The following LAMA2 variants were observed in gnomAD, a reference collection of about 807,000 sequenced individuals.
The protein encoded by LAMA2 is laminin subunit alpha-2.
Under a neutral mutation model 364.8 loss-of-function variants are expected in LAMA2, and 269 were observed. The observed-to-expected ratio is 0.74, with a 90% confidence interval of 0.67 to 0.82. The LOEUF (loss-of-function observed/expected upper bound fraction) is 0.82. Among genes scored for constraint, LAMA2 ranks in the 40% least tolerant of loss-of-function variants. The pLI is 0.00. For synonymous variants in LAMA2, 1,379 were observed against 1,370.6 expected (o/e 1.01, Z -0.14); for missense variants, 3,807 against 3,873.2 (o/e 0.98, Z 0.45).
intron 14 of LAMA2, among the ~76,000 whole-genome samples, chr6:129,256,868 CT>C: frequency 7.1e-6 from 1 of 141,484 alleles, no homozygotes; most frequent in East Asian, 2.1e-4. Flanking sequence ...ATGTTTTGTG[CT>C]GGTTGTTTTA....
At chr6:129,337,659 T>C (rs1264376979) in intron 29 of LAMA2, among the ~76,000 whole-genome samples, 2 of 152,092 alleles carry the variant, frequency 1.3e-5, no homozygotes, top group Non-Finnish European at 2.9e-5. Flanking sequence ...ACCTTAGGCC[T>C]GAGATACTAT....
intron 3 of LAMA2, among the ~76,000 whole-genome samples, chr6:129,076,843 G>A (rs570157544): frequency 6.6e-5 from 10 of 152,076 alleles, no homozygotes; most frequent in African/African-American, 2.4e-4. Flanking sequence ...CTGTAGGAAG[G>A]TCATGGTAGA....
At chr6:128,921,713 T>TTTTTTA (rs1328311348) in intron 1 of LAMA2, among the ~76,000 whole-genome samples, 1,592 of 144,914 alleles carry the variant, frequency 0.011, 38 homozygotes, top group African/African-American at 0.039. Flanking sequence ...TTTTTTTTTT[T>TTTTTTA]ATTATTATTA....
At chr6:129,286,198 C>A (rs1473831793) in intron 18 of LAMA2, among the ~76,000 whole-genome samples, 1 of 151,980 alleles carries the variant, frequency 6.6e-6, no homozygotes, top group Admixed American at 6.6e-5. Flanking sequence ...TATATTCTCC[C>A]ACATTGTTTT....
chr6:129,133,260 AG>A (rs1230024996), intron 4 of LAMA2, among the ~76,000 whole-genome samples: 1 of 152,234 alleles, frequency 6.6e-6, no homozygotes, highest in Non-Finnish European at 1.5e-5. Context: ...GAGCTAGGCC[AG>A]GGGCTGTATT....
intron 9 of LAMA2, among the ~76,000 whole-genome samples, chr6:129,166,393 G>A (rs192269516): frequency 1.3e-4 from 20 of 152,228 alleles, no homozygotes; most frequent in African/African-American, 4.1e-4. Flanking sequence ...ATTAATCAAG[G>A]CTACAATGTA....
intron 4 of LAMA2, among the ~76,000 whole-genome samples, chr6:129,129,923 CAAAAAAAAAAA>C (rs543305057): frequency 5.2e-5 from 4 of 76,318 alleles, no homozygotes; most frequent in South Asian, 4.9e-4. Flanking sequence ...GATTCCGTCT[CAAAAAAAAAAA>C]AAAAAAAAAT....
intron 27 of LAMA2, among the ~76,000 whole-genome samples, chr6:129,317,696 A>G (rs934540689): frequency 2.0e-5 from 3 of 152,076 alleles, no homozygotes; most frequent in African/African-American, 7.3e-5. Context: ...GCAGATTTGC[A>G]TGTCTTAGAA....
At chr6:129,316,270 G>A (rs994414959) in intron 27 of LAMA2, 99 bp downstream of exon 27, 11 of 989,876 alleles carry the variant, frequency 1.1e-5, no homozygotes, top group Admixed American at 7.6e-5. Context: ...AAAGTGATTG[G>A]TTTTGCAGTA....
intron 1 of LAMA2, among the ~76,000 whole-genome samples, chr6:129,005,869 C>A (rs1784418480): frequency 6.6e-6 from 1 of 150,868 alleles, no homozygotes; most frequent in South Asian, 2.1e-4. Flanking sequence ...AAACGCTTGG[C>A]CATTTTGTCT....
At chr6:129,433,189 G>A (rs147080767) in intron 41 of LAMA2, among the ~76,000 whole-genome samples, 63 of 152,282 alleles carry the variant, frequency 4.1e-4, no homozygotes, top group African/African-American at 1.4e-3. Flanking sequence ...AAATGATACC[G>A]TTCCGAATCA....
At chr6:129,419,278 A>G (rs997274060) in intron 40 of LAMA2, among the ~76,000 whole-genome samples, 1 of 152,186 alleles carries the variant, frequency 6.6e-6, no homozygotes, top group African/African-American at 2.4e-5. Context: ...CTTCAAGACA[A>G]TAATGCTCTT....
At chr6:129,438,922 C>T (rs944024651) in intron 42 of LAMA2, among the ~76,000 whole-genome samples, 160 bp downstream of exon 42, 1 of 152,006 alleles carries the variant, frequency 6.6e-6, no homozygotes, top group Admixed American at 6.6e-5. Flanking sequence ...GAATGAGAAA[C>T]TAAACCATAC....
chr6:129,236,583 A>G (rs1402763385), intron 12 of LAMA2, among the ~76,000 whole-genome samples: 4 of 152,212 alleles, frequency 2.6e-5, no homozygotes, highest in Non-Finnish European at 5.9e-5. Context: ...TGATATTTTT[A>G]TGAGTCATTT....
At chr6:129,329,077 C>A (rs1037914868) in intron 29 of LAMA2, among the ~76,000 whole-genome samples, 1 of 152,102 alleles carries the variant, frequency 6.6e-6, no homozygotes, top group African/African-American at 2.4e-5. Flanking sequence ...GTGTTCCACC[C>A]TTTTTATCGT....
intron 3 of LAMA2, among the ~76,000 whole-genome samples, chr6:129,066,669 T>C (rs1007830353): frequency 6.6e-6 from 1 of 152,206 alleles, no homozygotes; most frequent in Non-Finnish European, 1.5e-5. Flanking sequence ...TATCTGACTT[T>C]AAAATATACT....
chr6:129,299,129 C>T (rs1245676658), intron 21 of LAMA2, among the ~76,000 whole-genome samples: 1 of 151,094 alleles, frequency 6.6e-6, no homozygotes, highest in South Asian at 2.1e-4. Context: ...CATTCTGGCC[C>T]AAAGAAACAC....
At chr6:129,447,747 A>G (rs1782462718) in intron 45 of LAMA2, among the ~76,000 whole-genome samples, 1 of 152,210 alleles carries the variant, frequency 6.6e-6, no homozygotes, top group South Asian at 2.1e-4. Context: ...CTGTGGCAAG[A>G]GAAAAGAAGA....
chr6:129,229,675 A>G (rs1784554581), intron 12 of LAMA2, among the ~76,000 whole-genome samples: 1 of 152,182 alleles, frequency 6.6e-6, no homozygotes, highest in South Asian at 2.1e-4. Context: ...CACAGTGATA[A>G]TGGTGAAAAT....
Sources: allele counts gnomAD v4.1 joint callset (sites outside exome capture counted in the v4.1 genomes callset), GRCh38; gene constraint gnomAD v4.1.1; transcripts MANE v1.5; gene names NCBI Gene and HGNC (gene_info 2026-07-23, HGNC 2026-07-21).